The following NRG3 variants were observed in gnomAD, a reference collection of about 807,000 sequenced individuals.
NRG3 encodes the protein pro-neuregulin-3, membrane-bound isoform.
In NRG3, 31 loss-of-function variants were observed where a neutral mutation model predicts 66.9. The observed-to-expected ratio is 0.46, with a 90% CI of 0.35 to 0.63. The LOEUF is 0.63. NRG3 is among the 20% of genes least tolerant of loss of function. NRG3 has a pLI of 0.00. For synonymous variants in NRG3, 393 were observed against 359.4 expected, an observed-to-expected ratio of 1.09 and a Z score of -1.06; for missense variants, 910 against 878.9, an observed-to-expected ratio of 1.04 and a Z score of -0.45.
At chr10:82,848,699 G>A (rs943667186) in intron 3 of NRG3, among the ~76,000 whole-genome samples, 17 of 152,100 alleles carry the variant, frequency 1.1e-4, no homozygotes, top group South Asian at 4.1e-4. Context: ...ATCTTGAACC[G>A]TAGTTCCCAT....
chr10:82,702,649 A>G (rs2055973948), intron 2 of NRG3, among the ~76,000 whole-genome samples: 1 of 152,174 alleles, frequency 6.6e-6, no homozygotes, highest in African/African-American at 2.4e-5. Flanking sequence ...TGTTGAAACT[A>G]TCAGGAAGCA....
intron 2 of NRG3, among the ~76,000 whole-genome samples, chr10:82,385,892 T>A (rs113388264): frequency 1.2e-4 from 18 of 152,176 alleles, no homozygotes; most frequent in Non-Finnish European, 2.4e-4. Context: ...CTGCTTTTCA[T>A]GTTGTCTTAA....
chr10:82,060,521 G>A (rs11192355), intron 1 of NRG3, among the ~76,000 whole-genome samples: 37,352 of 152,038 alleles, frequency 0.25, 4,719 homozygotes, highest in Middle Eastern at 0.33. Context: ...AATAGGGAAC[G>A]TTTTAAGTGA....
intron 2 of NRG3, among the ~76,000 whole-genome samples, chr10:82,523,176 G>T (rs1164307842): frequency 6.6e-6 from 1 of 152,124 alleles, no homozygotes; most frequent in African/African-American, 2.4e-5. Flanking sequence ...GGACATTTGA[G>T]TTATTTCACA....
intron 1 of NRG3, among the ~76,000 whole-genome samples, chr10:82,029,031 A>G (rs1182030316): frequency 6.6e-6 from 1 of 152,074 alleles, no homozygotes; most frequent in Non-Finnish European, 1.5e-5. Flanking sequence ...CAACATGGTA[A>G]AACCCCGTTT....
At chr10:81,882,134 A>G (rs541610050) in intron 1 of NRG3, among the ~76,000 whole-genome samples, 24 of 152,314 alleles carry the variant, frequency 1.6e-4, no homozygotes, top group Admixed American at 8.5e-4. Flanking sequence ...AAACAAATCT[A>G]TTATCCCAAC....
chr10:82,559,676 A>G (rs923816399), intron 2 of NRG3, among the ~76,000 whole-genome samples: 1 of 152,350 alleles, frequency 6.6e-6, no homozygotes, highest in South Asian at 2.1e-4. Context: ...GCAAATGCAC[A>G]TGCATGCATA....
At chr10:81,950,302 A>T (rs1849234677) in intron 1 of NRG3, among the ~76,000 whole-genome samples, 1 of 152,200 alleles carries the variant, frequency 6.6e-6, no homozygotes, top group South Asian at 2.1e-4. Context: ...AGCTCACATA[A>T]AAAGGAATGG....
intron 3 of NRG3, among the ~76,000 whole-genome samples, chr10:82,827,837 G>T (rs1165428407): frequency 6.6e-6 from 1 of 152,162 alleles, no homozygotes; most frequent in Non-Finnish European, 1.5e-5. Context: ...GATTCCTTTT[G>T]TTGCGCTGAA....
At chr10:82,229,525 TAAAGG>T (rs2076343278) in intron 1 of NRG3, among the ~76,000 whole-genome samples, 1 of 152,204 alleles carries the variant, frequency 6.6e-6, no homozygotes, top group Non-Finnish European at 1.5e-5. Context: ...GGGTAATTTA[TAAAGG>T]AAAGAGGTTT....
At chr10:82,126,555 T>C (rs2068462669) in intron 1 of NRG3, among the ~76,000 whole-genome samples, 1 of 152,112 alleles carries the variant, frequency 6.6e-6, no homozygotes, top group African/African-American at 2.4e-5. Context: ...TATCACTTCA[T>C]TCTGACTGCT....
chr10:82,009,230 G>A (rs2061485775), intron 1 of NRG3, among the ~76,000 whole-genome samples: 1 of 152,158 alleles, frequency 6.6e-6, no homozygotes, highest in Admixed American at 6.5e-5. Context: ...GGTGTACAAT[G>A]ACATGCATTA....
At position 82,985,606 on chromosome 10, in the gene NRG3, C is replaced by T. The variant is rs1414448826; in HGVS notation, c.*1C>T. 3.7e-6 allele frequency: 6 copies of T among 1,607,740 alleles called. No individual in the cohort carries two copies. The highest frequency in any genetic ancestry group is 5.1e-6 in the Non-Finnish European group (6 of 1,178,912). The stretch of plus-strand genomic sequence containing the variant: ...AAGAGACTCTGCATTGACCAAGTGA[C>T]TTGAGATGTAGGAATCTGTGCATTC... On this transcript the variant is annotated 3_prime_UTR_variant, in exon 9 of 9. Transcript: ENST00000372141.
chr10:82,400,854 G>T (rs907381862), intron 2 of NRG3, among the ~76,000 whole-genome samples: 2 of 152,156 alleles, frequency 1.3e-5, no homozygotes, highest in African/African-American at 2.4e-5. Context: ...GAATTAACCA[G>T]CATGAGCCAC....
At chr10:82,321,658 T>A (rs2081586858) in intron 1 of NRG3, among the ~76,000 whole-genome samples, 1 of 152,212 alleles carries the variant, frequency 6.6e-6, no homozygotes, top group Non-Finnish European at 1.5e-5. Context: ...AGTTGTATGT[T>A]ATAAGGAGAC....
At chr10:81,888,812 G>A (rs1842804979) in intron 1 of NRG3, among the ~76,000 whole-genome samples, 1 of 152,130 alleles carries the variant, frequency 6.6e-6, no homozygotes, top group Admixed American at 6.6e-5. Flanking sequence ...GCAAGGAAGT[G>A]ATACAATATC....
intron 1 of NRG3, among the ~76,000 whole-genome samples, chr10:81,926,262 C>T (rs749593121): frequency 2.6e-5 from 4 of 152,146 alleles, no homozygotes; most frequent in Non-Finnish European, 5.9e-5. Context: ...GGATTACAGG[C>T]ACCCGCAACC....
chr10:82,918,029 TA>T (rs1846050316), intron 4 of NRG3, among the ~76,000 whole-genome samples: 2 of 149,708 alleles, frequency 1.3e-5, no homozygotes, highest in East Asian at 3.9e-4. Flanking sequence ...TATACATACA[TA>T]TTCTTACATG....
At chr10:82,536,590 C>T (rs1014759544) in intron 2 of NRG3, among the ~76,000 whole-genome samples, 6 of 152,126 alleles carry the variant, frequency 3.9e-5, no homozygotes, top group East Asian at 1.9e-4. Flanking sequence ...CTTTGGTGAT[C>T]GACATGAAGA....
Sources: gnomAD v4.1 joint callset for allele counts (sites outside exome capture counted in the v4.1 genomes callset) on GRCh38, gnomAD v4.1.1 for gene constraint, MANE v1.5 for transcripts, NCBI Gene and HGNC (gene_info 2026-07-23, HGNC 2026-07-21) for gene names.